The following CAPN3 variants were observed in gnomAD, a reference collection of about 807,000 sequenced individuals.
CAPN3 encodes the protein calpain 3.
In CAPN3, 88 loss-of-function variants were observed where a neutral mutation model predicts 114.0. The observed-to-expected ratio is 0.77, with a 90% confidence interval of 0.65 to 0.92. CAPN3 has a LOEUF of 0.92. CAPN3 is among the 40% of genes least tolerant of loss of function. The pLI is 0.00. For synonymous variants in CAPN3, 386 were observed against 382.9 expected (o/e 1.01, Z -0.09); for missense variants, 1,028 against 1,069.0 (o/e 0.96, Z 0.53).
rs28364423 is a variant in CAPN3, at chr15:42,389,728, A to G, written c.802-225A>G. Among the ~76,000 whole-genome samples the G allele has an allele frequency of 8.4e-3, 1,287 of 152,308 alleles. 10 individuals carry two copies. Among genetic ancestry groups the G allele is most frequent in the Middle Eastern group, 0.037 (11 of 294 alleles). On this transcript the variant is annotated intron_variant, in intron 5 of 23. Transcript: ENST00000397163. ...TGAATTCCTGCCCCTTCTTCTCCCA[A>G]CACGCCCAATGGACAGCTTGGAAGG...
chr15:42,401,676 C>G lies in CAPN3; in HGVS notation c.1390C>G (p.Leu464Val). ...FWTNPQYRLK[L>V]LEEDDDPDDS... The stretch of plus-strand genomic sequence containing the variant: ...GACCAACCCTCAGTACCGTCTGAAG[C>G]TCCTGGAGGAGGACGATGACCCTGA... Residue 464 changes from leucine to valine, a missense_variant, in exon 11 of 24, where the codon CTC (leucine) becomes GTC (valine). Coordinates refer to ENST00000397163, the MANE Select transcript of CAPN3 (RefSeq NM_000070.3). 6.2e-7 allele frequency: 1 copy of G among 1,614,186 alleles called. No individual in the cohort carries two copies. Among genetic ancestry groups the G allele is most frequent in the Non-Finnish European group, 8.5e-7 (1 of 1,180,030 alleles).
chr15:42,404,189 G>T (rs979218909), intron 14 of CAPN3: 40 of 458,240 alleles, frequency 8.7e-5, no homozygotes, highest in African/African-American at 7.4e-4. Context: ...ACTTACCAGC[G>T]GGGTGACCTG....
intron 1 of CAPN3, among the ~76,000 whole-genome samples, chr15:42,367,111 C>T (rs1232921251): frequency 1.3e-5 from 2 of 152,172 alleles, no homozygotes; most frequent in Non-Finnish European, 2.9e-5. Flanking sequence ...GGATTATAGG[C>T]ATGAGGCTCT....
intron 2 of CAPN3, among the ~76,000 whole-genome samples, chr15:42,385,179 A>C (rs558870230): frequency 6.6e-6 from 1 of 152,204 alleles, no homozygotes; most frequent in Admixed American, 6.5e-5. Context: ...AATTGGAGAG[A>C]ACACCAACAG....
chr15:42,366,828 C>CTTTTTTTTTTTTTTTTTTTTTTTTTT (rs545010219), intron 1 of CAPN3, among the ~76,000 whole-genome samples: 1 of 127,856 alleles, frequency 7.8e-6, no homozygotes, highest in Admixed American at 8.2e-5. Flanking sequence ...TCTTTTTTTT[C>CTTTTTTTTTTTTTTTTTTTTTTTTTT]TTTTTTTTTT....
intron 13 of CAPN3, among the ~76,000 whole-genome samples, chr15:42,403,522 G>T (rs373034042): frequency 6.6e-6 from 1 of 152,130 alleles, no homozygotes; most frequent in Non-Finnish European, 1.5e-5. Flanking sequence ...TGCCTTTGGG[G>T]GGCTCTGAGC....
chr15:42,367,361 T>G (rs149416920), intron 1 of CAPN3, among the ~76,000 whole-genome samples: 12 of 152,184 alleles, frequency 7.9e-5, no homozygotes, highest in African/African-American at 2.9e-4. Context: ...TGGAGTGGTG[T>G]TCAAGACAAT....
At position 42,403,724 on chromosome 15, in the gene CAPN3, G is replaced by A. The variant is rs2141205181; in HGVS notation, c.1746-17G>A. 6.2e-7 allele frequency: 1 copy of A among 1,613,044 alleles called. No homozygotes were observed. Among genetic ancestry groups the A allele is most frequent in the Non-Finnish European group, 8.5e-7 (1 of 1,179,046 alleles). On this transcript the variant is annotated splice_polypyrimidine_tract_variant and intron_variant, in intron 13 of 23. Transcript: ENST00000397163. ...TTCTGGTGACACTGAGACCCCACAT[G>A]TCTGTATTCCTCACAGGGAAGTTGA...
At chr15:42,384,381 C>T (rs2053326860) in intron 1 of CAPN3, 102 bp from the exon 2 acceptor site, 4 of 853,646 alleles carry the variant, frequency 4.7e-6, no homozygotes, top group Non-Finnish European at 8.0e-6. Flanking sequence ...CAGTGCACTG[C>T]AGCCTGGCGA....
intron 1 of CAPN3, among the ~76,000 whole-genome samples, chr15:42,375,326 G>T (rs1413128645): frequency 6.6e-6 from 1 of 152,110 alleles, no homozygotes; most frequent in Admixed American, 6.5e-5. Context: ...TTCATGTGCT[G>T]TCGCTTCTGT....
At chr15:42,391,112 T>G (rs1324290014) in intron 6 of CAPN3, among the ~76,000 whole-genome samples, 2 of 152,318 alleles carry the variant, frequency 1.3e-5, no homozygotes, top group East Asian at 3.9e-4. Context: ...ATTCTTAATG[T>G]GCCCAAAGTA....
rs794726871 is a variant in CAPN3 at position 42,359,950 on chromosome 15, C to T, written c.145C>T (p.Arg49Cys). The change falls in exon 1 of 24, where the codon CGC becomes TGC. Residue 49 changes from arginine (R) to cysteine (C), a missense_variant. Physicochemically the swap from Arg to Cys is radical, Grantham distance 180. Transcript: ENST00000397163. ...PSGIYSAIIS[R>C]NFPIIGVKEK... ...TGGCATCTATTCAGCCATCATCAGC[C>T]GCAATTTTCCTATTATCGGAGTGAA... The T allele has an allele frequency of 1.9e-5, 30 of 1,614,014 alleles. No individual in the cohort carries two copies. Among genetic ancestry groups the T allele is most frequent in the East Asian group, 4.5e-5 (2 of 44,896 alleles).
chr15:42,369,911 T>C (rs2052897883), intron 1 of CAPN3, among the ~76,000 whole-genome samples: 3 of 151,042 alleles, frequency 2.0e-5, no homozygotes, highest in Non-Finnish European at 3.0e-5. Flanking sequence ...TTACTCTCGT[T>C]GCCCAGGCTG....
At chr15:42,378,470 G>T (rs2053150228) in intron 1 of CAPN3, among the ~76,000 whole-genome samples, 1 of 152,100 alleles carries the variant, frequency 6.6e-6, no homozygotes, top group Non-Finnish European at 1.5e-5. Flanking sequence ...TTTGCCACCA[G>T]CCTGACTGAA....
chr15:42,372,008 G>A (rs1301616388), intron 1 of CAPN3, among the ~76,000 whole-genome samples: 1 of 151,752 alleles, frequency 6.6e-6, no homozygotes, highest in Admixed American at 6.6e-5. Context: ...AAAAAAGGCT[G>A]TTGGGACTTT....
At chr15:42,394,561 G>T (rs2053642361) in intron 8 of CAPN3, among the ~76,000 whole-genome samples, 1 of 152,174 alleles carries the variant, frequency 6.6e-6, no homozygotes, top group African/African-American at 2.4e-5. Flanking sequence ...GACAACCATT[G>T]GCTGGAAAGG....
chr15:42,384,360 C>T, intron 1 of CAPN3, 123 bp from the exon 2 acceptor site: 1 of 750,338 alleles, frequency 1.3e-6, no homozygotes, highest in Non-Finnish European at 2.4e-6. Flanking sequence ...TTCAGTGAGC[C>T]AAGATTGCAC....
intron 15 of CAPN3, among the ~76,000 whole-genome samples, chr15:42,407,668 C>T (rs1331201433): frequency 6.6e-6 from 1 of 152,148 alleles, no homozygotes; most frequent in Non-Finnish European, 1.5e-5. Context: ...GGCTGGGATT[C>T]CAGCCCAGTG....
chr15:42,402,489 C>T, intron 12 of CAPN3: 3 of 1,428,706 alleles, frequency 2.1e-6, no homozygotes, highest in Non-Finnish European at 2.7e-6. Flanking sequence ...AGAACCCAGC[C>T]AAGTCCTCTA....
Sources: gnomAD v4.1 joint callset for allele counts (sites outside exome capture counted in the v4.1 genomes callset) on GRCh38, gnomAD v4.1.1 for gene constraint, MANE v1.5 for transcripts, NCBI Gene and HGNC (gene_info 2026-07-23, HGNC 2026-07-21) for gene names.